Variants in PRDM16 observed in about 807,000 individuals in gnomAD.
The protein encoded by PRDM16 is histone-lysine N-methyltransferase PRDM16.
In PRDM16, 23 loss-of-function variants were observed where a neutral mutation model predicts 110.6. The ratio of observed to expected loss-of-function variants is 0.21; its 90% confidence interval spans 0.15 to 0.29. The LOEUF is 0.29. Ranked by LOEUF, PRDM16 falls within the 10% of genes least tolerant of loss-of-function variation. PRDM16 has a pLI of 1.00. For synonymous variants in PRDM16, 799 were observed against 781.8 expected, an observed-to-expected ratio of 1.02 and a Z score of -0.37; for missense variants, 1,615 against 1,794.3, an observed-to-expected ratio of 0.90 and a Z score of 1.81.
chr1:3,270,870 A>G (rs1281539158), intron 3 of PRDM16, among the ~76,000 whole-genome samples: 2 of 151,398 alleles, frequency 1.3e-5, no homozygotes, highest in Non-Finnish European at 2.9e-5. Context: ...GGGGAGGAGG[A>G]CAGTCCAGGA....
chr1:3,117,227 C>T (rs939926729), intron 1 of PRDM16, among the ~76,000 whole-genome samples: 6 of 152,194 alleles, frequency 3.9e-5, no homozygotes, highest in Admixed American at 3.9e-4. Context: ...CCAGGCTGAC[C>T]CAGGCTTACA....
At position 3,353,121 on chromosome 1, in the gene PRDM16, C is replaced by T. The variant is rs937431374; in HGVS notation, c.439-32031C>T. Among the ~76,000 whole-genome samples the T allele has an allele frequency of 3.9e-5, 6 of 152,194 alleles. No individual in the cohort carries two copies. The highest frequency in any genetic ancestry group is 1.4e-4 in the African/African-American group (6 of 41,448). ...ACACCCGAAGAGCTCGAAAGCTGGC[C>T]CCCAGCCCAGACTCCCACGCAGGGA... On this transcript the variant is annotated intron_variant, in intron 3 of 16. Transcript: ENST00000270722. This position sits in a 1 kb window ranked among gnomAD's most constrained non-coding sequence, Gnocchi z 5.4.
chr1:3,395,038 G>A (rs1340448748), intron 4 of PRDM16, among the ~76,000 whole-genome samples: 3 of 152,182 alleles, frequency 2.0e-5, no homozygotes, highest in South Asian at 2.1e-4. Context: ...GTCCTCCTTC[G>A]TGCAGTTCCT....
Position 3,069,241 on chromosome 1 carries a change from G to C in PRDM16, c.-19G>C. On this transcript the variant is annotated 5_prime_UTR_variant, in exon 1 of 17. Transcript: ENST00000270722. The surrounding 1 kb of genome is among the most constrained non-coding windows in gnomAD (Gnocchi z 6.1). ...TTCTGGACTCAAGGAGGAGGAGAGA[G>C]ATTCCGCGAGCCGACACCATGCGAT... 1 of 1,576,272 alleles carries C rather than the reference G, an allele frequency of 6.3e-7. No individual in the cohort carries two copies. Among genetic ancestry groups the C allele is most frequent in the Non-Finnish European group, 8.6e-7 (1 of 1,162,412 alleles).
At chr1:3,429,930 C>A (rs1168150400) in intron 14 of PRDM16, among the ~76,000 whole-genome samples, 1 of 152,216 alleles carries the variant, frequency 6.6e-6, no homozygotes. Context: ...ACCCCTGCAT[C>A]TCACCCACAC....
intron 1 of PRDM16, among the ~76,000 whole-genome samples, chr1:3,181,067 C>CACACCCGGTCTT (rs1168724607): frequency 2.0e-5 from 3 of 147,060 alleles, no homozygotes; most frequent in Admixed American, 6.8e-5. Context: ...CGCGGTCTTA[C>CACACCCGGTCTT]ACACCCGGTC....
At chr1:3,313,686 C>T (rs1320574348) in intron 3 of PRDM16, among the ~76,000 whole-genome samples, 4 of 152,242 alleles carry the variant, frequency 2.6e-5, no homozygotes, top group Admixed American at 1.3e-4. Flanking sequence ...CAGGGGCTTC[C>T]GCCAGTGCCG....
At chr1:3,267,649 G>A (rs1340156553) in intron 3 of PRDM16, among the ~76,000 whole-genome samples, 1 of 152,224 alleles carries the variant, frequency 6.6e-6, no homozygotes, top group East Asian at 1.9e-4. Context: ...GCTCAGAAAC[G>A]AGGAGCGGCC....
At chr1:3,136,733 C>T (rs778246828) in intron 1 of PRDM16, among the ~76,000 whole-genome samples, 2 of 152,168 alleles carry the variant, frequency 1.3e-5, no homozygotes, top group Non-Finnish European at 2.9e-5. Flanking sequence ...GGTAAACACA[C>T]ACTTTGCTCT....
At position 3,412,154 on chromosome 1, in the gene PRDM16, T is replaced by G. The variant is rs1213712892; in HGVS notation, c.1957T>G (p.Leu653Val). 6.4e-7 allele frequency: 1 copy of G among 1,562,816 alleles called. No individual in the cohort carries two copies. The highest frequency in any genetic ancestry group is 1.2e-5 in the South Asian group (1 of 83,206). Residue 653 changes from leucine to valine, a missense_variant, in exon 9 of 17, where the codon TTG becomes GTG. This residue lies in a region of PRDM16 where 772 missense variants were observed against 748.3 expected (regional missense o/e 1.03). Coordinates refer to ENST00000270722, the MANE Select transcript of PRDM16 (RefSeq NM_022114.4). ...GGGCCAGCCCAAGTTTGGGGGCGGC[T>G]TGGCGCCCCCGGGGGCCCCGAACAG... Reference protein sequence around the residue: ...AEGQPKFGGGLAPPGAPNSVA... With the variant: ...AEGQPKFGGGVAPPGAPNSVA...
At chr1:3,219,793 G>A (rs1221782340) in intron 2 of PRDM16, among the ~76,000 whole-genome samples, 2 of 152,098 alleles carry the variant, frequency 1.3e-5, no homozygotes, top group African/African-American at 2.4e-5. Flanking sequence ...CACCGACTTC[G>A]GGAGAAACCC....
chr1:3,158,672 T>G (rs939788876), intron 1 of PRDM16, among the ~76,000 whole-genome samples: 4 of 147,946 alleles, frequency 2.7e-5, no homozygotes, highest in African/African-American at 9.7e-5. Flanking sequence ...TTTCTCTCTT[T>G]CTTTCTTTCT....
rs541606827 is a variant in PRDM16, at chr1:3,079,144, G to A, written c.37+9848G>A. On this transcript the variant is annotated intron_variant, in intron 1 of 16. Transcript: ENST00000270722. ...TGCCCACCGCCTCCCTGGTGGAGCC[G>A]CGTCCCGGAATCTCCGCCGCTGCCC... Among the ~76,000 whole-genome samples the A allele has an allele frequency of 6.6e-5, 10 of 152,322 alleles. No individual in the cohort carries two copies. In the South Asian group the frequency reaches 1.5e-3, roughly 22 times the overall value.
chr1:3,244,094 T>G lies in PRDM16; in HGVS notation c.395T>G (p.Leu132Arg). 1 of 1,614,004 alleles carries G rather than the reference T, an allele frequency of 6.2e-7. No individual in the cohort carries two copies. The part of the protein sequence containing the change: ...KETDFGWEQI[L>R]TDVEVSPQEG... Reference sequence around the variant, plus strand: ...CTCAAAATTGTTTTGCAGCAAATACTGACGGACGTGGAAGTGTCGCCCCAG... The same window carrying G: ...CTCAAAATTGTTTTGCAGCAAATACGGACGGACGTGGAAGTGTCGCCCCAG... Residue 132 changes from leucine (L) to arginine (R), a missense_variant, in exon 3 of 17, where the codon CTG becomes CGG. Around this residue, in one of 5 missense-constraint regions of PRDM16, gnomAD observed 416 missense variants for 467.1 expected, o/e 0.89. Coordinates refer to ENST00000270722, the MANE Select transcript of PRDM16 (RefSeq NM_022114.4). This position sits in a 1 kb window ranked among gnomAD's most constrained non-coding sequence, Gnocchi z 4.1.
chr1:3,430,734 C>T lies in PRDM16; in HGVS notation c.3285-138C>T, dbSNP rs1331032176. 24 of 1,035,584 alleles carry T rather than the reference C, an allele frequency of 2.3e-5. No homozygotes were observed. The East Asian group carries it at 3.1e-4, about 13-fold the overall frequency. The allele number at this position is 1,035,584 out of a possible 1,614,324, so 64.1% of individuals were successfully genotyped here. ...GAGTCAGTGGCTGGGCCCAGGGACC[C>T]GCGGGAGCTCCCTCAGGAAGGGGGC... On this transcript the variant is annotated intron_variant, in intron 14 of 16. Transcript: ENST00000270722.
At chr1:3,210,891 CATTT>C (rs911836222) in intron 2 of PRDM16, among the ~76,000 whole-genome samples, 3 of 151,976 alleles carry the variant, frequency 2.0e-5, no homozygotes, top group Non-Finnish European at 4.4e-5. Flanking sequence ...GGTATTTATT[CATTT>C]ATTTATTCGA....
rs1338583255 is a variant in PRDM16, at chr1:3,175,011, G to T, written c.38-11114G>T. Reference sequence around the variant, plus strand: ...GGGAATGCCAATGAGTCCCAGTGCCGCAGGGCAGCCGCGGTCCCGGGCTGG... The same window carrying T: ...GGGAATGCCAATGAGTCCCAGTGCCTCAGGGCAGCCGCGGTCCCGGGCTGG... On this transcript the variant is annotated intron_variant, in intron 1 of 16. Transcript: ENST00000270722. The surrounding 1 kb of genome is among the most constrained non-coding windows in gnomAD (Gnocchi z 4.8). Among the ~76,000 whole-genome samples the T allele has an allele frequency of 6.6e-6, 1 of 152,176 alleles. No homozygotes were observed. Among genetic ancestry groups the T allele is most frequent in the Non-Finnish European group, 1.5e-5 (1 of 68,028 alleles).
At chr1:3,325,905 TGGCCCTCCTTGGCCCTCCTC>T (rs547077543) in intron 3 of PRDM16, among the ~76,000 whole-genome samples, 7,413 of 146,458 alleles carry the variant, frequency 0.051, 263 homozygotes, top group African/African-American at 0.091. Flanking sequence ...TTGGCCCTCT[TGGCCCTCCTTGGCCCTCCTC>T]GGCCCTCTTG....
chr1:3,429,885 C>T (rs1049786231), intron 14 of PRDM16, among the ~76,000 whole-genome samples: 6 of 152,216 alleles, frequency 3.9e-5, no homozygotes, highest in South Asian at 2.1e-4. Context: ...CGCCGTGAGA[C>T]GCTGTCACTT....
Sources: gnomAD v4.1 joint callset for allele counts (sites outside exome capture counted in the v4.1 genomes callset) on GRCh38, gnomAD v4.1.1 for gene constraint, gnomAD v4.1.1 regional missense constraint, Gnocchi (gnomAD v3.1) non-coding constraint, MANE v1.5 for transcripts, NCBI Gene and HGNC (gene_info 2026-07-23, HGNC 2026-07-21) for gene names.